The following TVP23B variants were observed in gnomAD, a reference collection of about 807,000 sequenced individuals.
TVP23B encodes trans-golgi network vesicle protein 23 homolog B, also known as Golgi apparatus membrane protein TVP23 homolog B.
A neutral mutation model predicts 30.6 loss-of-function variants in TVP23B; 10 were observed. That is an observed-to-expected ratio of 0.33 (90% CI 0.20 to 0.55). TVP23B has a LOEUF of 0.55. Ranked by LOEUF, TVP23B falls within the 20% of genes least tolerant of loss-of-function variation. The pLI is 0.91. For missense variants in TVP23B, 153 were observed against 243.2 expected, an observed-to-expected ratio of 0.63 and a Z score of 2.47; for synonymous variants, 67 against 83.1, an observed-to-expected ratio of 0.81 and a Z score of 1.06.
chr17:18,789,150 C>T (rs1244393766), intron 1 of TVP23B: 21 of 771,674 alleles, frequency 2.7e-5, no homozygotes, highest in South Asian at 1.3e-4. Context: ...GCTGAGACTT[C>T]GATTATTCTC....
chr17:18,801,480 C>CT (rs2036166199), intron 5 of TVP23B, among the ~76,000 whole-genome samples: 2 of 152,202 alleles, frequency 1.3e-5, no homozygotes, highest in African/African-American at 4.8e-5. Flanking sequence ...GGCTGCTGCT[C>CT]TGAGCTGGAG....
At chr17:18,784,582 T>C (rs1445261035) in intron 1 of TVP23B, among the ~76,000 whole-genome samples, 1 of 151,552 alleles carries the variant, frequency 6.6e-6, no homozygotes, top group Non-Finnish European at 1.5e-5. Context: ...ACCCGGGAGG[T>C]GGAGGTTGCA....
At chr17:18,804,340 G>A (rs2036216282) in intron 6 of TVP23B, 74 bp downstream of exon 6, 40 of 1,491,384 alleles carry the variant, frequency 2.7e-5, no homozygotes, top group Non-Finnish European at 3.5e-5. Context: ...TTTATGAAAC[G>A]CTCCTGAACA....
At chr17:18,783,543 T>G (rs1270946620) in intron 1 of TVP23B, among the ~76,000 whole-genome samples, 2 of 152,214 alleles carry the variant, frequency 1.3e-5, no homozygotes, top group Non-Finnish European at 2.9e-5. Flanking sequence ...TCAACGTTTC[T>G]TCTCTTATCC....
chr17:18,787,500 G>A (rs1484777124), intron 1 of TVP23B, among the ~76,000 whole-genome samples: 2 of 151,990 alleles, frequency 1.3e-5, no homozygotes. Context: ...ACTCTGAGAT[G>A]ATTGTTCAAA....
chr17:18,788,844 G>T (rs993985715), intron 1 of TVP23B, among the ~76,000 whole-genome samples: 11 of 152,040 alleles, frequency 7.2e-5, no homozygotes, highest in African/African-American at 2.4e-4. Context: ...GTAAATACAG[G>T]GGAAAATGAT....
intron 2 of TVP23B, among the ~76,000 whole-genome samples, chr17:18,790,192 C>T (rs1198739852): frequency 2.0e-5 from 3 of 152,136 alleles, no homozygotes; most frequent in African/African-American, 4.8e-5. Flanking sequence ...AGGCTGGGCA[C>T]GATGGCTCAT....
chr17:18,800,578 T>C (rs1245214256), intron 5 of TVP23B, among the ~76,000 whole-genome samples: 3 of 152,178 alleles, frequency 2.0e-5, no homozygotes, highest in African/African-American at 7.2e-5. Flanking sequence ...ACTGAATATC[T>C]TGGAGAAGTC....
At chr17:18,795,985 G>A (rs1427798288) in intron 3 of TVP23B, 3 of 150,076 alleles carry the variant, frequency 2.0e-5, no homozygotes, top group South Asian at 2.1e-4. Flanking sequence ...GTCTTGGAAT[G>A]TATCCCCTGC....
chr17:18,803,606 C>A (rs1216781083), intron 5 of TVP23B, among the ~76,000 whole-genome samples: 1 of 152,242 alleles, frequency 6.6e-6, no homozygotes, highest in Non-Finnish European at 1.5e-5. Context: ...GAGCTGTCTC[C>A]CTGCTCGGGG....
chr17:18,786,602 C>A (rs1052342624), intron 1 of TVP23B, among the ~76,000 whole-genome samples: 1 of 152,234 alleles, frequency 6.6e-6, no homozygotes, highest in Non-Finnish European at 1.5e-5. Flanking sequence ...CACCTCAAAG[C>A]AATTATATCT....
chr17:18,795,922 A>G (rs2151848880), intron 3 of TVP23B: 1 of 151,502 alleles, frequency 6.6e-6, no homozygotes, highest in Non-Finnish European at 1.5e-5. Flanking sequence ...ACAGGAAAAA[A>G]TATAGCATAT....
At position 18,781,292 on chromosome 17, in the gene TVP23B, C is replaced by T. The variant is rs1312911741; in HGVS notation, c.-2C>T. ...CGGAAGTAGGGCTGGCGTAGGGCCG[C>T]CATGTTGCAGCAGGTGAGGGGCTGA... On this transcript the variant is annotated 5_prime_UTR_variant, in exon 1 of 7. Transcript: ENST00000307767. The T allele has an allele frequency of 5.7e-6, 9 of 1,576,410 alleles. No individual in the cohort carries two copies. In the African/African-American group the frequency reaches 9.4e-5, roughly 17 times the overall value.
intron 5 of TVP23B, among the ~76,000 whole-genome samples, chr17:18,799,734 C>G (rs1377839036): frequency 1.3e-5 from 2 of 151,970 alleles, no homozygotes; most frequent in Non-Finnish European, 2.9e-5. Flanking sequence ...TTTTCTTATT[C>G]TATCTTATAT....
intron 6 of TVP23B, 29 bp from the exon 7 acceptor site, chr17:18,805,512 A>G: frequency 5.8e-6 from 9 of 1,551,846 alleles, no homozygotes; most frequent in Non-Finnish European, 6.1e-6. Flanking sequence ...CTTTGATGTT[A>G]AGGAGTTTTT....
chr17:18,790,033 C>G (rs2035967388), intron 2 of TVP23B, among the ~76,000 whole-genome samples: 1 of 152,130 alleles, frequency 6.6e-6, no homozygotes, highest in African/African-American at 2.4e-5. Flanking sequence ...TACAAAGATT[C>G]TGTCTGGGGT....
chr17:18,782,486 C>T (rs1034227597), intron 1 of TVP23B: 47 of 150,630 alleles, frequency 3.1e-4, no homozygotes, highest in African/African-American at 1.1e-3. Flanking sequence ...AGCCTGGCTA[C>T]AGAGGGAGAC....
chr17:18,781,522 C>G, intron 1 of TVP23B: 1 of 750,524 alleles, frequency 1.3e-6, no homozygotes, highest in South Asian at 2.4e-5. Context: ...AGAGCAAGTA[C>G]TTCTTGCGGC....
At chr17:18,784,130 G>A (rs1394434815) in intron 1 of TVP23B, among the ~76,000 whole-genome samples, 1 of 142,894 alleles carries the variant, frequency 7.0e-6, no homozygotes, top group Non-Finnish European at 1.5e-5. Context: ...GGGCGACAGA[G>A]CCAGACTCCG....
Sources: allele counts gnomAD v4.1 joint callset (sites outside exome capture counted in the v4.1 genomes callset), GRCh38; gene constraint gnomAD v4.1.1; transcripts MANE v1.5; gene names NCBI Gene and HGNC (gene_info 2026-07-23, HGNC 2026-07-21).